Variants in VPS13D observed in about 807,000 individuals in gnomAD.
VPS13D encodes the protein vacuolar protein sorting 13 homolog D, also known as intermembrane lipid transfer protein VPS13D.
VPS13D carries 187 observed loss-of-function variants against 461.9 expected under a neutral mutation model. The observed-to-expected ratio is 0.40, with a 90% CI of 0.36 to 0.46. The LOEUF is 0.46. VPS13D is among the 20% of genes least tolerant of loss of function. The pLI, the probability that VPS13D is intolerant of heterozygous loss-of-function variation, is 0.60. For missense variants in VPS13D, 4,711 were observed against 5,364.9 expected, an observed-to-expected ratio of 0.88 and a Z score of 3.81; for synonymous variants, 1,951 against 1,986.3, an observed-to-expected ratio of 0.98 and a Z score of 0.47.
intron 67 of VPS13D, among the ~76,000 whole-genome samples, chr1:12,489,429 C>A (rs1645845958): frequency 6.6e-6 from 1 of 152,220 alleles, no homozygotes; most frequent in South Asian, 2.1e-4. Context: ...AATATAATTT[C>A]TAATGATTTC....
At chr1:12,252,716 G>C (rs1041258715) in intron 6 of VPS13D, among the ~76,000 whole-genome samples, 3 of 149,304 alleles carry the variant, frequency 2.0e-5, no homozygotes, top group Non-Finnish European at 3.0e-5. Context: ...AGGTTGCAGT[G>C]AGCTGAGATC....
At position 12,507,543 on chromosome 1, in the gene VPS13D, G is replaced by T; in HGVS notation, c.13035+450G>T. On this transcript the variant is annotated intron_variant, in intron 69 of 69. Transcript: ENST00000620676. The surrounding 1 kb of genome is among the most constrained non-coding windows in gnomAD (Gnocchi z 5.3). The stretch of plus-strand genomic sequence containing the variant: ...CTTTTGTTCTAGTAGCATCTAGCAT[G>T]CTCAATAATTATTTGTAAATAAAAG... 2.4e-6 allele frequency: 1 copy of T among 421,950 alleles called. No homozygotes were observed. Among genetic ancestry groups the T allele is most frequent in the South Asian group, 1.8e-5 (1 of 55,580 alleles). 26.1% of individuals were successfully genotyped at this position (421,950 alleles called of 1,614,324 possible).
Position 12,318,350 on chromosome 1 carries a change from G to A in VPS13D, c.7414+13G>A. ...GTCAATGTAACAGGTGATTATATGT[G>A]GGTGTGATTCATTGGTGCTTAGTTT... On this transcript the variant is annotated intron_variant, in intron 31 of 69. Coordinates refer to ENST00000620676, the MANE Select transcript of VPS13D (RefSeq NM_015378.4). 1.3e-6 allele frequency: 2 copies of A among 1,598,456 alleles called. No homozygotes were observed. Among genetic ancestry groups the A allele is most frequent in the African/African-American group, 1.3e-5 (1 of 74,788 alleles).
At chr1:12,354,830 G>A (rs74472278) in intron 47 of VPS13D, among the ~76,000 whole-genome samples, 1,572 of 152,272 alleles carry the variant, frequency 0.01, 36 homozygotes, top group African/African-American at 0.036. Flanking sequence ...CCATTTTACT[G>A]GGGAAGAAAT....
chr1:12,399,627 C>T (rs1287375904), intron 60 of VPS13D, among the ~76,000 whole-genome samples: 1 of 151,916 alleles, frequency 6.6e-6, no homozygotes, highest in Admixed American at 6.6e-5. Context: ...CAAGACCAAC[C>T]TGACCAACAT....
intron 50 of VPS13D, among the ~76,000 whole-genome samples, chr1:12,359,834 A>T (rs1395772871): frequency 6.6e-6 from 1 of 152,224 alleles, no homozygotes; most frequent in Admixed American, 6.5e-5. Flanking sequence ...CAGGATAGTT[A>T]TCTTAACTTG....
At chr1:12,257,605 C>T (rs1230968759) in intron 9 of VPS13D, among the ~76,000 whole-genome samples, 1 of 152,156 alleles carries the variant, frequency 6.6e-6, no homozygotes, top group African/African-American at 2.4e-5. Flanking sequence ...CTTTAGTAGT[C>T]AAATCCTCGG....
At chr1:12,407,408 A>G (rs1644670018) in intron 63 of VPS13D, 1 of 152,236 alleles carries the variant, frequency 6.6e-6, no homozygotes, top group Non-Finnish European at 1.5e-5. Flanking sequence ...GGGGAGGTAG[A>G]AATAGACAGT....
rs538629221 is a variant in VPS13D, at chr1:12,471,196, G to C, written c.12662+10800G>C. Among the ~76,000 whole-genome samples, 7 of 152,254 alleles carry C rather than the reference G, an allele frequency of 4.6e-5. No homozygotes were observed. In the East Asian group the frequency reaches 1.4e-3, roughly 29 times the overall value. ...CACGCCTGTAGTCCCAGCTACTCAG[G>C]AGGCTGAGACATGAGAATCGCTTGA... On this transcript the variant is annotated intron_variant, in intron 67 of 69. Coordinates refer to ENST00000620676, the MANE Select transcript of VPS13D (RefSeq NM_015378.4).
intron 31 of VPS13D, 41 bp downstream of exon 31, chr1:12,318,378 A>G (rs757532076): frequency 6.3e-7 from 1 of 1,579,222 alleles, no homozygotes; most frequent in Non-Finnish European, 8.6e-7. Context: ...CTTAGTTTGG[A>G]TGTTAGGCTC....
chr1:12,237,324 TACAA>T (rs1640185359), intron 2 of VPS13D, among the ~76,000 whole-genome samples: 1 of 126,760 alleles, frequency 7.9e-6, no homozygotes. Flanking sequence ...ATCCCTTTTC[TACAA>T]AAAAAAAAAA....
At chr1:12,301,505 C>T (rs1243121797) in intron 25 of VPS13D, among the ~76,000 whole-genome samples, 2 of 152,200 alleles carry the variant, frequency 1.3e-5, no homozygotes, top group African/African-American at 4.8e-5. Context: ...CGAGACCCCG[C>T]AGCGTCCCGA....
intron 52 of VPS13D, 148 bp downstream of exon 52, chr1:12,363,395 G>C: frequency 1.2e-6 from 1 of 810,320 alleles, no homozygotes; most frequent in South Asian, 1.9e-5. Context: ...AGTGTGAGGG[G>C]ATAATTTGAT....
rs1483000490 is a variant in VPS13D, at chr1:12,415,161, G to A, written c.12105G>A (p.Arg4035=). Reference sequence around the variant, plus strand: ...TGATTAATCTAGATCCATTCACTCGGGTACATCCCTATGAGACCAAGGAGT... The same window carrying A: ...TGATTAATCTAGATCCATTCACTCGAGTACATCCCTATGAGACCAAGGAGT... ...DAVINLDPFT[R]VHPYETKEFI... The change falls in exon 64 of 70, where the codon CGG becomes CGA. Residue 4035 remains arginine, a synonymous_variant. Coordinates refer to ENST00000620676, the MANE Select transcript of VPS13D (RefSeq NM_015378.4). The A allele has an allele frequency of 6.2e-7, 1 of 1,614,008 alleles. No homozygotes were observed. The highest frequency in any genetic ancestry group is 1.3e-5 in the African/African-American group (1 of 75,000).
intron 1 of VPS13D, 100 bp from the exon 2 acceptor site, chr1:12,234,091 C>G: frequency 1.9e-6 from 1 of 536,662 alleles, no homozygotes; most frequent in Non-Finnish European, 3.4e-6. Flanking sequence ...AACAAAACAT[C>G]TGTGCTTTGC....
chr1:12,403,822 C>A lies in VPS13D; in HGVS notation c.11882-3C>A. On this transcript the variant is annotated splice_region_variant and splice_polypyrimidine_tract_variant and intron_variant, in intron 62 of 69. Transcript: ENST00000620676. ...TGTTTTTTTAATTCTTCCTTTGTACCAGAGGTGGAAAAATATGATGAAAAC... is the reference window on the plus strand; with the variant it reads ...TGTTTTTTTAATTCTTCCTTTGTACAAGAGGTGGAAAAATATGATGAAAAC... 6.3e-7 allele frequency: 1 copy of A among 1,590,598 alleles called. No individual in the cohort carries two copies. Among genetic ancestry groups the A allele is most frequent in the South Asian group, 1.2e-5 (1 of 86,212 alleles).
At chr1:12,435,558 A>G (rs1645049029) in intron 65 of VPS13D, among the ~76,000 whole-genome samples, 2 of 152,182 alleles carry the variant, frequency 1.3e-5, no homozygotes, top group African/African-American at 2.4e-5. Context: ...TTTAATCCTC[A>G]TAACGACCCT....
chr1:12,368,675 T>G (rs1644073167), intron 53 of VPS13D, 84 bp downstream of exon 53: 4 of 1,433,052 alleles, frequency 2.8e-6, no homozygotes, highest in Non-Finnish European at 3.7e-6. Context: ...AATGGTACAA[T>G]ACATTTTCAA....
chr1:12,269,966 G>A (rs1227289774), intron 16 of VPS13D, among the ~76,000 whole-genome samples: 1 of 152,108 alleles, frequency 6.6e-6, no homozygotes, highest in Admixed American at 6.6e-5. Flanking sequence ...GGGCAACATA[G>A]TGAGACCTCA....
Sources: gnomAD v4.1 joint callset for allele counts (sites outside exome capture counted in the v4.1 genomes callset) on GRCh38, gnomAD v4.1.1 for gene constraint, Gnocchi (gnomAD v3.1) non-coding constraint, MANE v1.5 for transcripts, NCBI Gene and HGNC (gene_info 2026-07-23, HGNC 2026-07-21) for gene names.